Variants in C16orf74 observed in about 807,000 individuals in gnomAD.
C16orf74 encodes the protein calcimembrin.
Under a neutral mutation model 6.5 loss-of-function variants are expected in C16orf74, and 10 were observed. The observed-to-expected ratio is 1.54, with a 90% CI of 0.95 to 2.61. C16orf74 has a LOEUF of 2.61. C16orf74 is among the 30% of genes most tolerant of loss of function. The pLI, the probability that C16orf74 is intolerant of heterozygous loss-of-function variation, is 0.00. For synonymous variants in C16orf74, 60 were observed against 42.5 expected (o/e 1.41, Z -1.60); for missense variants, 141 against 105.9 (o/e 1.33, Z -1.45).
chr16:85,709,057 T>C (rs1195404940), intron 3 of C16orf74, among the ~76,000 whole-genome samples: 1 of 152,220 alleles, frequency 6.6e-6, no homozygotes, highest in Non-Finnish European at 1.5e-5. Flanking sequence ...TCAACCTTAG[T>C]TTACCCCTGT....
chr16:85,729,566 C>G (rs2054167356), intron 2 of C16orf74, among the ~76,000 whole-genome samples: 1 of 152,206 alleles, frequency 6.6e-6, no homozygotes, highest in South Asian at 2.1e-4. Flanking sequence ...ATAGTGTCCC[C>G]CAAATTCACA....
chr16:85,714,285 C>T (rs975601566), intron 2 of C16orf74, among the ~76,000 whole-genome samples: 1 of 152,106 alleles, frequency 6.6e-6, no homozygotes, highest in Non-Finnish European at 1.5e-5. Flanking sequence ...ATTCTCAAAC[C>T]CAGTGACGAG....
intron 2 of C16orf74, among the ~76,000 whole-genome samples, chr16:85,719,744 G>A (rs1006997350): frequency 6.6e-6 from 1 of 151,970 alleles, no homozygotes; most frequent in African/African-American, 2.4e-5. Flanking sequence ...AGAGATTCCC[G>A]AGGCACCCAC....
chr16:85,737,315 C>T lies in C16orf74; in HGVS notation c.-18-2080G>A, dbSNP rs947470499. 2.0e-5 allele frequency among the ~76,000 whole-genome samples: 3 copies of T among 152,186 alleles called. 1 individual carries two copies. The highest frequency in any genetic ancestry group is 2.0e-4 in the Admixed American group (3 of 15,286). ...TGCATGCAGAGTCTCAGGCCCTGAGCTGGCCCTGCCCACTCAGAACCTGCA... is the reference window on the plus strand; with the variant it reads ...TGCATGCAGAGTCTCAGGCCCTGAGTTGGCCCTGCCCACTCAGAACCTGCA... On this transcript the variant is annotated intron_variant, in intron 1 of 3. Transcript: ENST00000284245.
At chr16:85,713,821 CAGG>C (rs2053993066) in intron 2 of C16orf74, among the ~76,000 whole-genome samples, 1 of 152,200 alleles carries the variant, frequency 6.6e-6, no homozygotes, top group African/African-American at 2.4e-5. Flanking sequence ...GCACCATCGT[CAGG>C]AGGAGTTGGT....
At chr16:85,739,281 G>A (rs574542541) in intron 1 of C16orf74, among the ~76,000 whole-genome samples, 117 of 152,230 alleles carry the variant, frequency 7.7e-4, no homozygotes, top group Non-Finnish European at 1.1e-3. Context: ...CCAACCAAGC[G>A]CAGACCGGCC....
intron 2 of C16orf74, among the ~76,000 whole-genome samples, chr16:85,726,652 C>G (rs1392500217): frequency 6.6e-6 from 1 of 152,174 alleles, no homozygotes; most frequent in Non-Finnish European, 1.5e-5. Flanking sequence ...CATGTGATCT[C>G]CCTTCAAATG....
chr16:85,746,667 C>A (rs2054376591), intron 1 of C16orf74, among the ~76,000 whole-genome samples: 1 of 152,196 alleles, frequency 6.6e-6, no homozygotes, highest in Non-Finnish European at 1.5e-5. Context: ...AAGAATGTGA[C>A]TGTTTGCCAG....
intron 1 of C16orf74, among the ~76,000 whole-genome samples, chr16:85,749,208 G>C (rs898294454): frequency 4.5e-4 from 69 of 152,156 alleles, no homozygotes; most frequent in African/African-American, 1.6e-3. Context: ...GCCTGGCCTT[G>C]CCATTTTCCA....
chr16:85,722,670 T>A (rs1263984633), intron 2 of C16orf74, among the ~76,000 whole-genome samples: 1 of 152,108 alleles, frequency 6.6e-6, no homozygotes, highest in East Asian at 1.9e-4. Flanking sequence ...AGCAGCAACA[T>A]GCTTTGGGAC....
chr16:85,715,257 T>TA (rs2054012013), intron 2 of C16orf74, among the ~76,000 whole-genome samples: 1 of 151,440 alleles, frequency 6.6e-6, no homozygotes, highest in Non-Finnish European at 1.5e-5. Context: ...GAGGCGCCCC[T>TA]ACCCCAAACA....
At chr16:85,744,471 A>G (rs1227209983) in intron 1 of C16orf74, among the ~76,000 whole-genome samples, 1 of 151,974 alleles carries the variant, frequency 6.6e-6, no homozygotes, top group Non-Finnish European at 1.5e-5. Context: ...GAAATATCAG[A>G]TTGTTAATTA....
intron 2 of C16orf74, among the ~76,000 whole-genome samples, chr16:85,716,932 G>A (rs2054031127): frequency 6.6e-6 from 1 of 152,226 alleles, no homozygotes; most frequent in Non-Finnish European, 1.5e-5. Context: ...GCCTGCCTCG[G>A]GCTATTAAAA....
At chr16:85,732,249 G>A (rs1050033806) in intron 2 of C16orf74, among the ~76,000 whole-genome samples, 7 of 152,214 alleles carry the variant, frequency 4.6e-5, no homozygotes, top group African/African-American at 1.7e-4. Flanking sequence ...CTGGCCTCCA[G>A]AACTGTGAGA....
chr16:85,745,059 T>G (rs184086572), intron 1 of C16orf74, among the ~76,000 whole-genome samples: 125 of 146,916 alleles, frequency 8.5e-4, no homozygotes, highest in African/African-American at 3.1e-3. Flanking sequence ...GAGAATCGCT[T>G]GAACCTGGGA....
At chr16:85,749,815 G>A (rs1254244999) in intron 1 of C16orf74, among the ~76,000 whole-genome samples, 1 of 152,206 alleles carries the variant, frequency 6.6e-6, no homozygotes, top group African/African-American at 2.4e-5. Context: ...GCACCCCACC[G>A]GCATGGGAAG....
At chr16:85,721,017 G>C (rs1024976153) in intron 2 of C16orf74, among the ~76,000 whole-genome samples, 6 of 152,102 alleles carry the variant, frequency 3.9e-5, no homozygotes, top group Non-Finnish European at 7.4e-5. Context: ...CTTGAACCCA[G>C]GAGGCAGAGG....
chr16:85,750,385 CAGG>C (rs142816631), intron 1 of C16orf74, among the ~76,000 whole-genome samples: 4,915 of 152,318 alleles, frequency 0.032, 282 homozygotes, highest in African/African-American at 0.11. Flanking sequence ...CGCAGCCAGC[CAGG>C]AGAAGGAGCG....
At position 85,726,553 on chromosome 16, in the gene C16orf74, T is replaced by G. The variant is rs1475903042; in HGVS notation, c.28+8637A>C. ...CCGCAGGCAGGAGCCTGAGCCCATTTTACAGACAGGGACAGGAAAGCTCAG... is the reference window on the plus strand; with the variant it reads ...CCGCAGGCAGGAGCCTGAGCCCATTGTACAGACAGGGACAGGAAAGCTCAG... On this transcript the variant is annotated intron_variant, in intron 2 of 3. Transcript: ENST00000284245. Among the ~76,000 whole-genome samples, 53 of 152,202 alleles carry G rather than the reference T, an allele frequency of 3.5e-4. 1 individual carries two copies. Among genetic ancestry groups the G allele is most frequent in the Non-Finnish European group, 4.4e-5 (3 of 67,988 alleles).
Sources: gnomAD v4.1 joint callset for allele counts (sites outside exome capture counted in the v4.1 genomes callset) on GRCh38, gnomAD v4.1.1 for gene constraint, MANE v1.5 for transcripts, NCBI Gene and HGNC (gene_info 2026-07-23, HGNC 2026-07-21) for gene names.